CNKSR2: variants seen among roughly 807,000 people sequenced by gnomAD.
CNKSR2 encodes connector enhancer of kinase suppressor of Ras 2.
In CNKSR2, 14 loss-of-function variants were observed where a neutral mutation model predicts 84.4. That is an observed-to-expected ratio of 0.17 (90% CI 0.11 to 0.26). The LOEUF (loss-of-function observed/expected upper bound fraction) is 0.26, where lower values mean the gene tolerates loss of function less well. Ranked by LOEUF, CNKSR2 falls within the 10% of genes least tolerant of loss-of-function variation. The pLI is 1.00. For missense variants in CNKSR2, 485 were observed against 771.2 expected, an observed-to-expected ratio of 0.63 and a Z score of 4.40; for synonymous variants, 275 against 277.9, an observed-to-expected ratio of 0.99 and a Z score of 0.10.
intron 1 of CNKSR2, among the ~76,000 whole-genome samples, chrX:21,403,232 G>A (rs956811058): frequency 5.4e-5 from 6 of 111,148 alleles, no homozygotes; most frequent in African/African-American, 2.0e-4. Flanking sequence ...CAGGTAACAG[G>A]CATAGGGGAA....
intron 4 of CNKSR2, among the ~76,000 whole-genome samples, chrX:21,446,291 A>G: frequency 9.0e-6 from 1 of 111,653 alleles, no homozygotes; most frequent in East Asian, 2.8e-4. Context: ...TAAAAACTAA[A>G]AATATATTGT....
At chrX:21,531,616 C>T (rs2147123109) in intron 10 of CNKSR2, among the ~76,000 whole-genome samples, 1 of 111,311 alleles carries the variant, frequency 9.0e-6, no homozygotes, top group East Asian at 2.8e-4. Context: ...TGGCCTATTT[C>T]AAATTCTGTC....
chrX:21,409,292 G>GT (rs1188035861), intron 1 of CNKSR2, among the ~76,000 whole-genome samples: 1 of 84,765 alleles, frequency 1.2e-5, no homozygotes, highest in Admixed American at 1.4e-4. Flanking sequence ...CTGTCAGACT[G>GT]TTTCTTAGTC....
At chrX:21,551,955 C>T (rs1468833166) in intron 11 of CNKSR2, among the ~76,000 whole-genome samples, 1 of 110,941 alleles carries the variant, frequency 9.0e-6, no homozygotes. Flanking sequence ...AGTATATTCT[C>T]TGGACAGAAG....
rs184119832 is a variant in CNKSR2, at chrX:21,591,318, T to A, written c.1830+124T>A. ...GCCAATTCAGTAGACTTCTGCTAGGTATTTTTCAATCCACCCTCTTAAAAT... is the reference window on the plus strand; with the variant it reads ...GCCAATTCAGTAGACTTCTGCTAGGAATTTTTCAATCCACCCTCTTAAAAT... On this transcript the variant is annotated intron_variant, in intron 15 of 21. Coordinates refer to ENST00000379510, the MANE Select transcript of CNKSR2 (RefSeq NM_014927.5). 16 of 483,932 alleles carry A rather than the reference T, an allele frequency of 3.3e-5. No homozygotes were observed. In the African/African-American group the frequency reaches 3.5e-4, roughly 10 times the overall value. 39.9% of individuals were successfully genotyped at this position (483,932 alleles called of 1,213,427 possible).
intron 18 of CNKSR2, among the ~76,000 whole-genome samples, chrX:21,603,929 T>G (rs779517007): frequency 8.9e-6 from 1 of 112,129 alleles, no homozygotes; most frequent in East Asian, 2.8e-4. Context: ...TTGGCACTGC[T>G]TTTTCATGAT....
intron 13 of CNKSR2, among the ~76,000 whole-genome samples, chrX:21,589,174 C>G (rs1464704705): frequency 1.8e-5 from 2 of 112,152 alleles, no homozygotes; most frequent in Non-Finnish European, 1.9e-5. Flanking sequence ...ATTTATAATG[C>G]TTTAACACTT....
chrX:21,585,465 A>G (rs1018838293), intron 13 of CNKSR2, among the ~76,000 whole-genome samples: 3 of 108,885 alleles, frequency 2.8e-5, no homozygotes, highest in African/African-American at 1.0e-4. Flanking sequence ...TTGTGAAAAC[A>G]AAGCTGGTAA....
rs755727733 is a variant in CNKSR2, at chrX:21,562,279, C to A, written c.1393+719C>A. 1.4e-4 allele frequency among the ~76,000 whole-genome samples: 16 copies of A among 110,775 alleles called. No homozygotes were observed. The South Asian group carries it at 6.1e-3, about 42-fold the overall frequency. On this transcript the variant is annotated intron_variant, in intron 12 of 21. Transcript: ENST00000379510. Reference sequence around the variant, plus strand: ...TTTCTGAAGTAGAGAGCCGTAAGGTCGTAGGTGGAAAATAAAACAAATCAA... The same window carrying A: ...TTTCTGAAGTAGAGAGCCGTAAGGTAGTAGGTGGAAAATAAAACAAATCAA...
intron 10 of CNKSR2, 91 bp from the exon 11 acceptor site, chrX:21,531,765 A>T: frequency 3.8e-6 from 2 of 531,470 alleles, no homozygotes; most frequent in East Asian, 3.5e-5. Flanking sequence ...GATATATTGT[A>T]TGGGAGTAAA....
chrX:21,569,026 A>G (rs1454453606), intron 13 of CNKSR2, among the ~76,000 whole-genome samples: 3 of 112,085 alleles, frequency 2.7e-5, no homozygotes, highest in East Asian at 2.8e-4. Flanking sequence ...ACCACAATAA[A>G]GTGAATATTA....
In CNKSR2 at chrX:21,470,805, G is replaced by A. The variant is rs770022036; in HGVS notation, c.559G>A (p.Val187Met). 2 of 1,008,587 alleles carry A rather than the reference G, an allele frequency of 2.0e-6. No individual in the cohort carries two copies. The highest frequency in any genetic ancestry group is 2.7e-6 in the Non-Finnish European group (2 of 737,331). 83.1% of individuals were successfully genotyped at this position (1,008,587 alleles called of 1,213,427 possible). The change falls in exon 5 of 22, where the codon GTG becomes ATG. Residue 187 changes from valine to methionine, a missense_variant and splice_region_variant. By Grantham distance (21) the Val-to-Met change is conservative. Transcript: ENST00000379510. ...VYETENKILH[V>M]CKTLSGVCDH... ...TGAAACAGAGAATAAAATTCTTCAC[G>A]TGGTGAGTATACTTGGATTTATTTT... is the stretch of plus-strand genomic sequence containing the variant.
chrX:21,560,858 G>A (rs1374328534), intron 11 of CNKSR2, among the ~76,000 whole-genome samples: 1 of 111,240 alleles, frequency 9.0e-6, no homozygotes, highest in East Asian at 2.8e-4. Flanking sequence ...GTGATTACTT[G>A]GATCTCTATA....
chrX:21,602,577 T>G (rs768435242), intron 18 of CNKSR2, among the ~76,000 whole-genome samples: 2 of 112,167 alleles, frequency 1.8e-5, no homozygotes, highest in South Asian at 7.4e-4. Flanking sequence ...AAATTTTTTC[T>G]GTAAAGAACC....
intron 17 of CNKSR2, among the ~76,000 whole-genome samples, chrX:21,597,518 G>T: frequency 8.9e-6 from 1 of 111,742 alleles, no homozygotes. Flanking sequence ...AATTAAAATG[G>T]ATTTTTATTG....
chrX:21,471,801 T>C (rs1207494467), intron 5 of CNKSR2, among the ~76,000 whole-genome samples: 1 of 111,656 alleles, frequency 9.0e-6, no homozygotes, highest in Non-Finnish European at 1.9e-5. Flanking sequence ...AGTGGATAAT[T>C]AATTTACTTT....
intron 1 of CNKSR2, among the ~76,000 whole-genome samples, chrX:21,380,288 A>G (rs1413823983): frequency 8.9e-6 from 1 of 112,004 alleles, no homozygotes; most frequent in African/African-American, 3.2e-5. Flanking sequence ...AAGACAAATC[A>G]TTAACATGTT....
chrX:21,474,332 C>G lies in CNKSR2; in HGVS notation c.561+3525C>G, dbSNP rs779500347. ...CAGATAGTTTGTGTTGATTAGTTATCCCAAGACTCAGAAGAGACACTGGGA... is the reference window on the plus strand; with the variant it reads ...CAGATAGTTTGTGTTGATTAGTTATGCCAAGACTCAGAAGAGACACTGGGA... On this transcript the variant is annotated intron_variant, in intron 5 of 21. Transcript: ENST00000379510. Among the ~76,000 whole-genome samples the G allele has an allele frequency of 7.2e-5, 8 of 111,306 alleles. No homozygotes were observed. In the East Asian group the frequency reaches 2.0e-3, roughly 28 times the overall value.
At chrX:21,602,616 A>C (rs757175896) in intron 18 of CNKSR2, among the ~76,000 whole-genome samples, 1 of 111,959 alleles carries the variant, frequency 8.9e-6, no homozygotes, top group African/African-American at 3.2e-5. Context: ...TGCAGGCCAT[A>C]TAGTAGAGAC....
Sources: gnomAD v4.1 joint callset for allele counts (sites outside exome capture counted in the v4.1 genomes callset) on GRCh38, gnomAD v4.1.1 for gene constraint, MANE v1.5 for transcripts, NCBI Gene and HGNC (gene_info 2026-07-23, HGNC 2026-07-21) for gene names.